The following AFF3 variants were observed in gnomAD, a reference collection of about 807,000 sequenced individuals.
AFF3 encodes the protein ALF transcription elongation factor 3.
In AFF3, 32 loss-of-function variants were observed where a neutral mutation model predicts 129.7. That is an observed-to-expected ratio of 0.25 (90% CI 0.19 to 0.33). The LOEUF is 0.33. AFF3 is among the 10% of genes least tolerant of loss of function. AFF3 has a pLI of 1.00. For missense variants in AFF3, 1,373 were observed against 1,592.0 expected (o/e 0.86, Z 2.34); for synonymous variants, 644 against 635.4 (o/e 1.01, Z -0.20).
Position 99,695,792 on chromosome 2 carries a change from C to A in AFF3, c.1092-23203G>T, listed in dbSNP as rs995154476. The stretch of plus-strand genomic sequence containing the variant: ...AATTCTGAGAACTCGTGGGCACTTA[C>A]AAGCACTTTAATGCTCTAAGATGAT... On this transcript the variant is annotated intron_variant, in intron 11 of 24. Transcript: ENST00000672756. Among the ~76,000 whole-genome samples the A allele has an allele frequency of 5.3e-5, 8 of 152,132 alleles. No homozygotes were observed. In the South Asian group the frequency reaches 8.3e-4, roughly 16 times the overall value.
intron 7 of AFF3, among the ~76,000 whole-genome samples, chr2:99,851,934 T>TA (rs2105873830): frequency 6.6e-6 from 1 of 152,254 alleles, no homozygotes; most frequent in East Asian, 1.9e-4. Context: ...AGAACAACTC[T>TA]AAGACTAGTC....
chr2:99,882,683 A>G (rs1457749752), intron 7 of AFF3, among the ~76,000 whole-genome samples: 1 of 152,210 alleles, frequency 6.6e-6, no homozygotes, highest in Non-Finnish European at 1.5e-5. Flanking sequence ...ATCCTGTTCC[A>G]GTTTACTTAC....
chr2:100,001,586 G>A (rs1043281060), intron 7 of AFF3, among the ~76,000 whole-genome samples: 21 of 152,042 alleles, frequency 1.4e-4, no homozygotes, highest in African/African-American at 5.1e-4. Flanking sequence ...GCGCCACCAC[G>A]CCCAGCTAAT....
intron 4 of AFF3, among the ~76,000 whole-genome samples, chr2:100,080,875 A>G (rs1011919005): frequency 1.8e-4 from 28 of 152,256 alleles, no homozygotes; most frequent in African/African-American, 6.7e-4. Flanking sequence ...AGTTGTACCC[A>G]GTAGCTGGCA....
At chr2:99,881,406 CA>C (rs11367144) in intron 7 of AFF3, among the ~76,000 whole-genome samples, 64,791 of 122,824 alleles carry the variant, frequency 0.53, 14,349 homozygotes, top group African/African-American at 0.59. Context: ...AGCATCTTTT[CA>C]AAAAAAAAAA....
intron 11 of AFF3, among the ~76,000 whole-genome samples, chr2:99,694,076 C>A (rs922688235): frequency 3.3e-5 from 5 of 152,056 alleles, no homozygotes; most frequent in Non-Finnish European, 5.9e-5. Flanking sequence ...CACCACCACA[C>A]TCGGCTAATT....
intron 7 of AFF3, among the ~76,000 whole-genome samples, chr2:99,894,500 G>T (rs1323091128): frequency 4.7e-5 from 7 of 149,396 alleles, no homozygotes; most frequent in African/African-American, 1.7e-4. Context: ...ACGGAGTCTC[G>T]CTCTGTCGCC....
chr2:99,984,444 C>T (rs890904847), intron 7 of AFF3, among the ~76,000 whole-genome samples: 1 of 152,092 alleles, frequency 6.6e-6, no homozygotes, highest in Non-Finnish European at 1.5e-5. Context: ...TAAATATAGT[C>T]CCCTTCTGTG....
chr2:99,988,788 AAG>A (rs1680094045), intron 7 of AFF3, among the ~76,000 whole-genome samples: 3 of 113,786 alleles, frequency 2.6e-5, no homozygotes. Flanking sequence ...TGCCCTAGGA[AAG>A]AGAGGACAAA....
intron 11 of AFF3, among the ~76,000 whole-genome samples, chr2:99,713,413 C>T (rs1678088631): frequency 6.6e-6 from 1 of 151,722 alleles, no homozygotes; most frequent in Non-Finnish European, 1.5e-5. Flanking sequence ...GGATTACAGG[C>T]ACGTGCCACC....
intron 7 of AFF3, among the ~76,000 whole-genome samples, chr2:99,920,774 T>C (rs1394343112): frequency 1.3e-5 from 2 of 152,016 alleles, no homozygotes; most frequent in Non-Finnish European, 2.9e-5. Flanking sequence ...ATCATGTGTA[T>C]GTAAAAAATC....
At chr2:99,635,812 C>T (rs1201683786) in intron 13 of AFF3, among the ~76,000 whole-genome samples, 2 of 152,164 alleles carry the variant, frequency 1.3e-5, no homozygotes, top group Non-Finnish European at 1.5e-5. Flanking sequence ...TGACATTTGT[C>T]CCCTGGGCTG....
chr2:99,883,216 T>C (rs1340004875), intron 7 of AFF3, among the ~76,000 whole-genome samples: 1 of 152,194 alleles, frequency 6.6e-6, no homozygotes, highest in Non-Finnish European at 1.5e-5. Flanking sequence ...TTAATATGAA[T>C]TCACACCAAT....
At chr2:99,859,576 T>C (rs1375757704) in intron 7 of AFF3, among the ~76,000 whole-genome samples, 1 of 152,242 alleles carries the variant, frequency 6.6e-6, no homozygotes, top group East Asian at 1.9e-4. Context: ...TTATCCACCA[T>C]CATCTAGAAA....
At chr2:99,835,062 G>A (rs553402634) in intron 8 of AFF3, among the ~76,000 whole-genome samples, 3 of 152,034 alleles carry the variant, frequency 2.0e-5, no homozygotes, top group Non-Finnish European at 1.5e-5. Context: ...CGCCCTTCCC[G>A]CAAACCAGGA....
At chr2:100,091,332 T>C (rs1028432302) in intron 4 of AFF3, among the ~76,000 whole-genome samples, 1 of 152,172 alleles carries the variant, frequency 6.6e-6, no homozygotes, top group African/African-American at 2.4e-5. Flanking sequence ...CCAAGGAAAA[T>C]CTGCCATCAA....
chr2:99,566,114 AT>A (rs111261740), intron 19 of AFF3, among the ~76,000 whole-genome samples: 1 of 151,546 alleles, frequency 6.6e-6, no homozygotes, highest in Non-Finnish European at 1.5e-5. Flanking sequence ...CCTCTTCTCA[AT>A]TTTTTTTAAT....
At chr2:99,700,155 C>G (rs1466402587) in intron 11 of AFF3, among the ~76,000 whole-genome samples, 1 of 149,940 alleles carries the variant, frequency 6.7e-6, no homozygotes, top group South Asian at 2.1e-4. Flanking sequence ...AAGTCTCGCT[C>G]TGTCGCCCAG....
chr2:100,026,449 A>G (rs4085422), intron 4 of AFF3, among the ~76,000 whole-genome samples: 58,818 of 152,012 alleles, frequency 0.39, 11,684 homozygotes, highest in Middle Eastern at 0.47. Flanking sequence ...CACTGCTGGT[A>G]GGAATGTAAA....
Sources: gnomAD v4.1 joint callset for allele counts (sites outside exome capture counted in the v4.1 genomes callset) on GRCh38, gnomAD v4.1.1 for gene constraint, MANE v1.5 for transcripts, NCBI Gene and HGNC (gene_info 2026-07-23, HGNC 2026-07-21) for gene names.